The following DMD variants were observed in gnomAD, a reference collection of about 807,000 sequenced individuals.
DMD encodes mutant dystrophin.
A neutral mutation model predicts 330.1 loss-of-function variants in DMD; 63 were observed. The ratio of observed to expected loss-of-function variants is 0.19; its 90% CI spans 0.16 to 0.24. The LOEUF (loss-of-function observed/expected upper bound fraction) is 0.24, where lower values mean the gene tolerates loss of function less well. Among genes scored for constraint, DMD ranks in the 10% least tolerant of loss-of-function variants. The probability of loss-of-function intolerance (pLI) is 1.00; values close to 1 mark genes in which losing one functional copy is unlikely to be tolerated. For synonymous variants in DMD, 1,223 were observed against 959.8 expected (o/e 1.27, Z -5.07); for missense variants, 3,344 against 2,684.1 (o/e 1.25, Z -5.43).
intron 44 of DMD, among the ~76,000 whole-genome samples, chrX:32,181,558 A>G (rs2096927103): frequency 8.9e-6 from 1 of 111,930 alleles, no homozygotes; most frequent in African/African-American, 3.2e-5. Flanking sequence ...TGAACAACCC[A>G]GAATATTACC....
At chrX:31,544,067 G>A (rs1277619285) in intron 55 of DMD, among the ~76,000 whole-genome samples, 2 of 111,342 alleles carry the variant, frequency 1.8e-5, no homozygotes, top group Non-Finnish European at 3.8e-5. Flanking sequence ...GGCTGGGTGC[G>A]GTGGCTCAGC....
chrX:31,584,666 C>T (rs1207822125), intron 55 of DMD, among the ~76,000 whole-genome samples: 3 of 111,617 alleles, frequency 2.7e-5, no homozygotes, highest in Admixed American at 1.9e-4. Context: ...TTTGCAGGAA[C>T]ACATATGGAG....
At chrX:31,660,079 A>G (rs1435913044) in intron 53 of DMD, among the ~76,000 whole-genome samples, 2 of 112,115 alleles carry the variant, frequency 1.8e-5, no homozygotes, top group African/African-American at 6.5e-5. Context: ...AAGTAATAGT[A>G]TTTACTGCAT....
chrX:31,367,783 C>T (rs925050725), intron 60 of DMD, among the ~76,000 whole-genome samples: 34 of 111,773 alleles, frequency 3.0e-4, no homozygotes, highest in African/African-American at 9.8e-4. Flanking sequence ...TAAAAACTGT[C>T]TAGAAACCTC....
chrX:32,851,835 G>A (rs780536265), intron 2 of DMD, among the ~76,000 whole-genome samples: 1 of 111,878 alleles, frequency 8.9e-6, no homozygotes, highest in African/African-American at 3.3e-5. Flanking sequence ...AATTCATCAA[G>A]CGCACATAGA....
At chrX:33,051,729 A>G (rs1301353939) in intron 1 of DMD, among the ~76,000 whole-genome samples, 8 of 100,730 alleles carry the variant, frequency 7.9e-5, no homozygotes, top group Non-Finnish European at 1.6e-4. Context: ...ACTCACTGCA[A>G]CCTCCGCTTC....
intron 26 of DMD, among the ~76,000 whole-genome samples, chrX:32,452,398 G>A (rs187233166): frequency 0.028 from 215 of 7,643 alleles, 19 homozygotes; most frequent in Middle Eastern, 0.077. Flanking sequence ...GGAAAGGGAA[G>A]GGAAAGGAAA....
At chrX:32,432,070 A>G (rs2098240655) in intron 29 of DMD, among the ~76,000 whole-genome samples, 1 of 112,124 alleles carries the variant, frequency 8.9e-6, no homozygotes, top group African/African-American at 3.2e-5. Flanking sequence ...TACACTCAAG[A>G]GTTCCTCACC....
At chrX:33,163,616 ATCTC>A in intron 1 of DMD, among the ~76,000 whole-genome samples, 1 of 10,356 alleles carries the variant, frequency 9.7e-5, no homozygotes. Context: ...ATCTATATCT[ATCTC>A]TATCTATCTA....
chrX:31,435,623 A>G (rs998063650), intron 60 of DMD: 2 of 112,051 alleles, frequency 1.8e-5, no homozygotes. Context: ...TTTAACACGC[A>G]GCTTCTCATG....
At chrX:31,240,373 G>A (rs1403159110) in intron 63 of DMD, among the ~76,000 whole-genome samples, 1 of 111,881 alleles carries the variant, frequency 8.9e-6, no homozygotes, top group Non-Finnish European at 1.9e-5. Flanking sequence ...ATTGTCTCTA[G>A]GAAGTAAAAT....
At chrX:31,257,341 C>T (rs952447629) in intron 63 of DMD, among the ~76,000 whole-genome samples, 10 of 107,332 alleles carry the variant, frequency 9.3e-5, no homozygotes, top group Admixed American at 9.1e-4. Context: ...GGTTCAGGTT[C>T]GATTAGGAGA....
intron 2 of DMD, among the ~76,000 whole-genome samples, chrX:32,914,380 G>C (rs767578661): frequency 8.9e-6 from 1 of 112,124 alleles, no homozygotes; most frequent in East Asian, 2.8e-4. Context: ...AGTACTAAGC[G>C]ACTCATAGAA....
chrX:31,177,752 T>C (rs779126963), intron 71 of DMD, among the ~76,000 whole-genome samples, 180 bp downstream of exon 71: 11 of 108,603 alleles, frequency 1.0e-4, no homozygotes, highest in African/African-American at 3.7e-4. Context: ...TCTGTGTAGA[T>C]GGTACTTTCA....
intron 1 of DMD, among the ~76,000 whole-genome samples, chrX:33,291,212 A>C (rs1353622569): frequency 8.9e-6 from 1 of 111,763 alleles, no homozygotes; most frequent in African/African-American, 3.2e-5. Flanking sequence ...ACACCCCTTC[A>C]TGCTAAAAAC....
chrX:32,321,246 T>C (rs1405848253), intron 41 of DMD, among the ~76,000 whole-genome samples: 2 of 111,044 alleles, frequency 1.8e-5, no homozygotes, highest in Non-Finnish European at 3.8e-5. Context: ...ACTGAGTCCA[T>C]GCAACGTCAA....
At chrX:31,664,529 C>CTTTTTTTTT (rs57706460) in intron 53 of DMD, among the ~76,000 whole-genome samples, 16 of 63,759 alleles carry the variant, frequency 2.5e-4, no homozygotes, top group Non-Finnish European at 4.2e-4. Flanking sequence ...AGTGTTCAAG[C>CTTTTTTTTT]TTTTTTTTTT....
In DMD at chrX:32,365,003, C is replaced by G; in HGVS notation, c.5025+17G>C. On this transcript the variant is annotated intron_variant, in intron 35 of 78. Transcript: ENST00000357033. ...GTGACAGAGAAGGGTGTAAAAGCTT[C>G]TAGCCTTTTCTCTTACCAACAAAAG... The G allele has an allele frequency of 8.3e-7, 1 of 1,208,110 alleles. No individual in the cohort carries two copies. Among genetic ancestry groups the G allele is most frequent in the East Asian group, 3.0e-5 (1 of 33,766 alleles).
At chrX:33,244,167 G>A (rs180803316) in intron 1 of DMD, among the ~76,000 whole-genome samples, 1 of 110,973 alleles carries the variant, frequency 9.0e-6, no homozygotes, top group Non-Finnish European at 1.9e-5. Context: ...GAGTATCCTC[G>A]TCTTGTGCCA....
Sources: allele counts gnomAD v4.1 joint callset (sites outside exome capture counted in the v4.1 genomes callset), GRCh38; gene constraint gnomAD v4.1.1; transcripts MANE v1.5; gene names NCBI Gene and HGNC (gene_info 2026-07-23, HGNC 2026-07-21).